Variants in EXOC1L observed in about 807,000 individuals in gnomAD.
EXOC1L encodes the protein exocyst complex component 1 like.
A neutral mutation model predicts 4.9 loss-of-function variants in EXOC1L; 10 were observed. That is an observed-to-expected ratio of 2.02 (90% CI 1.25 to 3.43). The LOEUF is 3.43. Among genes scored for constraint, EXOC1L ranks in the 30% most tolerant of loss-of-function variants. EXOC1L has a pLI of 0.00. For missense variants in EXOC1L, 114 were observed against 59.4 expected, an observed-to-expected ratio of 1.92 and a Z score of -3.02; for synonymous variants, 41 against 20.8, an observed-to-expected ratio of 1.97 and a Z score of -2.63.
rs1720200147 is a variant in EXOC1L, at chr4:55,837,413, T to C, written c.*62T>C. The C allele has an allele frequency of 2.3e-6, 1 of 433,116 alleles. No homozygotes were observed. The highest frequency in any genetic ancestry group is 2.0e-5 in the African/African-American group (1 of 49,514). 26.8% of individuals were successfully genotyped at this position (433,116 alleles called of 1,614,324 possible). A position where few individuals can be genotyped will look rare whatever the true frequency, so the allele number is the denominator to read the frequency against. On this transcript the variant is annotated 3_prime_UTR_variant, in exon 3 of 3. Coordinates refer to ENST00000636125, the MANE Select transcript of EXOC1L (RefSeq NM_001351574.3). ...AAATGGTTTCCCAAGTAAATATTGA[T>C]TGTCATAATTTTGTTTTTCCTTCAT...
chr4:55,833,555 A>C (rs1166425198), intron 2 of EXOC1L, among the ~76,000 whole-genome samples: 1 of 151,922 alleles, frequency 6.6e-6, no homozygotes, highest in African/African-American at 2.4e-5. Flanking sequence ...CAAGTTCACT[A>C]ATCTGTAGTT....
chr4:55,835,707 T>G (rs1720142231), intron 2 of EXOC1L, among the ~76,000 whole-genome samples: 1 of 151,998 alleles, frequency 6.6e-6, no homozygotes, highest in African/African-American at 2.4e-5. Flanking sequence ...AAATTGTTTG[T>G]TTTTTTCTTG....
chr4:55,823,980 T>C (rs1719810892), intron 1 of EXOC1L, among the ~76,000 whole-genome samples: 1 of 152,184 alleles, frequency 6.6e-6, no homozygotes. Context: ...TGGTGTTTAT[T>C]ATTCTCTACG....
chr4:55,824,336 T>C (rs1278325508), intron 1 of EXOC1L, among the ~76,000 whole-genome samples: 1 of 151,726 alleles, frequency 6.6e-6, no homozygotes, highest in African/African-American at 2.4e-5. Context: ...TCACTAAATG[T>C]CTCTATGGAG....
intron 1 of EXOC1L, among the ~76,000 whole-genome samples, chr4:55,824,195 T>G (rs997822309): frequency 1.3e-5 from 2 of 151,924 alleles, no homozygotes; most frequent in African/African-American, 4.8e-5. Flanking sequence ...GCTCTTTGTC[T>G]TCTAAAGGTA....
At chr4:55,822,217 A>T (rs140088972) in intron 1 of EXOC1L, among the ~76,000 whole-genome samples, 1 of 152,326 alleles carries the variant, frequency 6.6e-6, no homozygotes, top group African/African-American at 2.4e-5. Context: ...TTATATGACC[A>T]GAGTCTCTCT....
chr4:55,830,964 C>T (rs558753661), intron 1 of EXOC1L, among the ~76,000 whole-genome samples: 1 of 152,272 alleles, frequency 6.6e-6, no homozygotes, highest in African/African-American at 2.4e-5. Flanking sequence ...AAAATTCCAA[C>T]GTGTTCTGAT....
Position 55,827,188 on chromosome 4 carries a change from T to C in EXOC1L, c.122-4146T>C, listed in dbSNP as rs202046798. Among the ~76,000 whole-genome samples the C allele has an allele frequency of 6.6e-5, 10 of 152,312 alleles. No individual in the cohort carries two copies. In the East Asian group the frequency reaches 1.9e-3, roughly 29 times the overall value. ...AACTAGTCTTGCCTAACTTGTTCCC[T>C]GCCACCTGTCCACCCTCACACCTCA... On this transcript the variant is annotated intron_variant, in intron 1 of 2. Coordinates refer to ENST00000636125, the MANE Select transcript of EXOC1L (RefSeq NM_001351574.3).
chr4:55,833,946 T>C (rs1275809651), intron 2 of EXOC1L, among the ~76,000 whole-genome samples: 1 of 151,576 alleles, frequency 6.6e-6, no homozygotes, highest in East Asian at 1.9e-4. Flanking sequence ...ATCTAAAGAG[T>C]AGTTCTTGCA....
chr4:55,819,994 G>A lies in EXOC1L; in HGVS notation c.-33G>A. 2 of 398,942 alleles carry A rather than the reference G, an allele frequency of 5.0e-6. No individual in the cohort carries two copies. The highest frequency in any genetic ancestry group is 8.8e-6 in the Non-Finnish European group (2 of 226,078). The allele number at this position is 398,942 out of a possible 1,614,324, so 24.7% of individuals were successfully genotyped here. ...AAAGGAGAGGAAAGAGTGAGCTTGA[G>A]CCAAGACATCAGGCCAAGTGGAACT... On this transcript the variant is annotated 5_prime_UTR_variant, in exon 1 of 3. Coordinates refer to ENST00000636125, the MANE Select transcript of EXOC1L (RefSeq NM_001351574.3).
intron 2 of EXOC1L, among the ~76,000 whole-genome samples, chr4:55,835,040 C>T (rs1411663196): frequency 6.6e-6 from 1 of 151,788 alleles, no homozygotes; most frequent in South Asian, 2.1e-4. Context: ...TTTGCATACG[C>T]ATAACTTAAC....
chr4:55,831,058 A>C (rs1276119967), intron 1 of EXOC1L, among the ~76,000 whole-genome samples: 1 of 152,162 alleles, frequency 6.6e-6, no homozygotes, highest in East Asian at 1.9e-4. Context: ...CACAATGCTC[A>C]GAGCTCAAAG....
intron 1 of EXOC1L, among the ~76,000 whole-genome samples, chr4:55,821,334 T>C (rs1402635873): frequency 6.6e-6 from 1 of 152,130 alleles, no homozygotes; most frequent in Non-Finnish European, 1.5e-5. Flanking sequence ...AAATTAAGTA[T>C]TTTAGAAAGT....
At chr4:55,823,833 TG>T (rs1719807837) in intron 1 of EXOC1L, among the ~76,000 whole-genome samples, 1 of 152,088 alleles carries the variant, frequency 6.6e-6, no homozygotes. Flanking sequence ...AAGGTTGTTT[TG>T]CTACGTAATA....
At chr4:55,835,430 C>T (rs975305237) in intron 2 of EXOC1L, among the ~76,000 whole-genome samples, 2 of 151,720 alleles carry the variant, frequency 1.3e-5, no homozygotes, top group African/African-American at 4.8e-5. Flanking sequence ...AGGAATCTCC[C>T]CCTTCTTTTC....
At chr4:55,834,027 A>G (rs897066052) in intron 2 of EXOC1L, among the ~76,000 whole-genome samples, 7 of 151,952 alleles carry the variant, frequency 4.6e-5, no homozygotes, top group Non-Finnish European at 8.8e-5. Flanking sequence ...CTTTTTTAAA[A>G]TCAAATCCTT....
At chr4:55,832,100 A>G (rs1359503548) in intron 2 of EXOC1L, among the ~76,000 whole-genome samples, 2 of 152,012 alleles carry the variant, frequency 1.3e-5, no homozygotes, top group Non-Finnish European at 2.9e-5. Context: ...CATTGAGTAA[A>G]GTCCTATTGA....
intron 2 of EXOC1L, among the ~76,000 whole-genome samples, chr4:55,833,516 C>T (rs1410682694): frequency 6.6e-6 from 1 of 151,722 alleles, no homozygotes; most frequent in Non-Finnish European, 1.5e-5. Context: ...TTCTATAATA[C>T]TGCATTTAAT....
At chr4:55,831,147 C>T (rs146151831) in intron 1 of EXOC1L, among the ~76,000 whole-genome samples, 187 bp from the exon 2 acceptor site, 59 of 152,158 alleles carry the variant, frequency 3.9e-4, no homozygotes, top group African/African-American at 1.3e-3. Context: ...AAAGTTAATA[C>T]GTTGAGCAAA....
Sources: gnomAD v4.1 joint callset for allele counts (sites outside exome capture counted in the v4.1 genomes callset) on GRCh38, gnomAD v4.1.1 for gene constraint, MANE v1.5 for transcripts, NCBI Gene and HGNC (gene_info 2026-07-23, HGNC 2026-07-21) for gene names.